RCOR1: variants seen among roughly 807,000 people sequenced by gnomAD.
The protein encoded by RCOR1 is REST corepressor.
In RCOR1, 12 loss-of-function variants were observed where a neutral mutation model predicts 64.0. The observed-to-expected ratio is 0.19, with a 90% CI of 0.12 to 0.30. RCOR1 has a LOEUF of 0.30. Among genes scored for constraint, RCOR1 ranks in the 10% least tolerant of loss-of-function variants. The pLI is 1.00. For synonymous variants in RCOR1, 279 were observed against 227.2 expected, an observed-to-expected ratio of 1.23 and a Z score of -2.05; for missense variants, 502 against 621.2, an observed-to-expected ratio of 0.81 and a Z score of 2.04.
intron 2 of RCOR1, chr14:102,655,893 C>T (rs1485395245): frequency 8.2e-6 from 6 of 729,160 alleles, no homozygotes; most frequent in South Asian, 6.2e-5. Flanking sequence ...GTGGAGGTTG[C>T]GGTCAGTCGA....
At chr14:102,631,664 A>C (rs1894113559) in intron 2 of RCOR1, among the ~76,000 whole-genome samples, 1 of 152,142 alleles carries the variant, frequency 6.6e-6, no homozygotes, top group African/African-American at 2.4e-5. Flanking sequence ...TGAATCTTGA[A>C]TCTGTTTTCC....
intron 2 of RCOR1, among the ~76,000 whole-genome samples, chr14:102,631,146 T>C (rs1439567283): frequency 6.6e-6 from 1 of 152,056 alleles, no homozygotes; most frequent in Admixed American, 6.6e-5. Flanking sequence ...CCAAACTCAC[T>C]GTGAGAAGTG....
chr14:102,718,381 G>A lies in RCOR1; in HGVS notation c.1054-2626G>A, dbSNP rs770393785. Among the ~76,000 whole-genome samples, 12 of 152,266 alleles carry A rather than the reference G, an allele frequency of 7.9e-5. No homozygotes were observed. In the South Asian group the frequency reaches 1.2e-3, roughly 16 times the overall value. On this transcript the variant is annotated intron_variant, in intron 8 of 11. Transcript: ENST00000262241. ...TGAATTCTGTGTGCCCGTGCGTTGC[G>A]TACTGCTCTTCCTCCTTCCCAAGAC...
intron 2 of RCOR1, among the ~76,000 whole-genome samples, chr14:102,666,620 G>T (rs1894920613): frequency 6.6e-6 from 1 of 152,116 alleles, no homozygotes; most frequent in African/African-American, 2.4e-5. Flanking sequence ...AGTTTCTCAA[G>T]ATTTTTCTTG....
chr14:102,693,819 G>A (rs1013664790), intron 3 of RCOR1, among the ~76,000 whole-genome samples: 7 of 152,004 alleles, frequency 4.6e-5, no homozygotes, highest in East Asian at 3.9e-4. Context: ...TTCCTGTTTC[G>A]TCTTTTATCT....
At position 102,636,329 on chromosome 14, in the gene RCOR1, G is replaced by A. The variant is rs182920861; in HGVS notation, c.361+43004G>A. On this transcript the variant is annotated intron_variant, in intron 2 of 11. Transcript: ENST00000262241. ...TTTTGCTCTTGTCGCCCAGGCTGGAGTGCAGTGGCGTGATCTTGGCGCACT... is the reference window on the plus strand; with the variant it reads ...TTTTGCTCTTGTCGCCCAGGCTGGAATGCAGTGGCGTGATCTTGGCGCACT... 6.8e-4 allele frequency among the ~76,000 whole-genome samples: 104 copies of A among 152,018 alleles called. No individual in the cohort carries two copies. In the East Asian group the frequency reaches 0.019, roughly 27 times the overall value.
intron 4 of RCOR1, among the ~76,000 whole-genome samples, chr14:102,702,656 G>T (rs1895775467): frequency 1.3e-5 from 2 of 152,178 alleles, no homozygotes; most frequent in African/African-American, 4.8e-5. Flanking sequence ...CCTCAGAGAA[G>T]ACCTTCAGTT....
chr14:102,632,547 C>T (rs534460917), intron 2 of RCOR1, among the ~76,000 whole-genome samples: 10 of 152,014 alleles, frequency 6.6e-5, no homozygotes, highest in South Asian at 4.2e-4. Context: ...AAGGATTTTT[C>T]GTTCTTTTTT....
chr14:102,630,758 A>T (rs1657111186), intron 2 of RCOR1, among the ~76,000 whole-genome samples: 1 of 152,156 alleles, frequency 6.6e-6, no homozygotes, highest in African/African-American at 2.4e-5. Context: ...TTTCATGAAG[A>T]ATTCCAGAAG....
intron 3 of RCOR1, among the ~76,000 whole-genome samples, chr14:102,693,413 A>G (rs1895578340): frequency 6.6e-6 from 1 of 151,890 alleles, no homozygotes; most frequent in Non-Finnish European, 1.5e-5. Flanking sequence ...AATATATTTT[A>G]TAAAAGATCA....
At chr14:102,670,342 G>GT (rs1433850967) in intron 2 of RCOR1, among the ~76,000 whole-genome samples, 1 of 152,140 alleles carries the variant, frequency 6.6e-6, no homozygotes, top group Admixed American at 6.5e-5. Flanking sequence ...TTTTATATAG[G>GT]TATTAGAGTA....
intron 2 of RCOR1, among the ~76,000 whole-genome samples, chr14:102,647,162 C>G (rs1463912233): frequency 6.6e-6 from 1 of 152,204 alleles, no homozygotes; most frequent in Admixed American, 6.5e-5. Context: ...GTACATCACA[C>G]TGAGATTTCA....
At chr14:102,671,089 T>C (rs1895025095) in intron 2 of RCOR1, among the ~76,000 whole-genome samples, 1 of 152,168 alleles carries the variant, frequency 6.6e-6, no homozygotes. Flanking sequence ...TTATAATTAT[T>C]GATAGCAAGA....
chr14:102,622,926 C>G (rs1173170105), intron 2 of RCOR1, among the ~76,000 whole-genome samples: 2 of 152,200 alleles, frequency 1.3e-5, no homozygotes, highest in African/African-American at 2.4e-5. Context: ...TGGAGTTCCC[C>G]TCTTTAACTC....
chr14:102,671,388 TTTTG>T (rs939041304), intron 2 of RCOR1, among the ~76,000 whole-genome samples: 3 of 152,010 alleles, frequency 2.0e-5, no homozygotes, highest in Admixed American at 6.6e-5. Context: ...AGTTTCTGTG[TTTTG>T]TTTGTTTGTT....
chr14:102,692,440 AAC>A (rs10622844), intron 3 of RCOR1, among the ~76,000 whole-genome samples: 2,925 of 146,108 alleles, frequency 0.02, 32 homozygotes, highest in South Asian at 0.043. Flanking sequence ...GGAAAAAGTT[AAC>A]ACACACACAC....
At chr14:102,653,946 TCTTTCTTTCTTTCTTTCTTTCTTTCTTTC>T (rs1567423260) in intron 2 of RCOR1, among the ~76,000 whole-genome samples, 750 of 67,838 alleles carry the variant, frequency 0.011, 101 homozygotes, top group African/African-American at 0.038. Flanking sequence ...TTTCTTTCTT[TCTTTCTTTCTTTCTTTCTTTCTTTCTTTC>T]TTTCTTTCTT....
chr14:102,661,416 T>G (rs1482764525), intron 2 of RCOR1, among the ~76,000 whole-genome samples: 1 of 152,202 alleles, frequency 6.6e-6, no homozygotes, highest in Admixed American at 6.5e-5. Flanking sequence ...TAGTGCTCTG[T>G]TTTTAGTTTC....
intron 2 of RCOR1, among the ~76,000 whole-genome samples, chr14:102,628,192 G>T (rs547835411): frequency 1.3e-5 from 2 of 152,226 alleles, no homozygotes; most frequent in South Asian, 4.1e-4. Context: ...TCTGTGGGTT[G>T]TATGAGTCCC....
Sources: gnomAD v4.1 joint callset for allele counts (sites outside exome capture counted in the v4.1 genomes callset) on GRCh38, gnomAD v4.1.1 for gene constraint, MANE v1.5 for transcripts, NCBI Gene and HGNC (gene_info 2026-07-23, HGNC 2026-07-21) for gene names.